The following MMP26 variants were observed in gnomAD, a reference collection of about 807,000 sequenced individuals.
MMP26 encodes matrix metallopeptidase 26.
In MMP26, 33 loss-of-function variants were observed where a neutral mutation model predicts 31.0. The ratio of observed to expected loss-of-function variants is 1.06; its 90% CI spans 0.81 to 1.42. The LOEUF (loss-of-function observed/expected upper bound fraction) is 1.42. Among genes scored for constraint, MMP26 ranks in the 40% most tolerant of loss-of-function variants. The pLI, the probability that MMP26 is intolerant of heterozygous loss-of-function variation, is 0.00. For missense variants in MMP26, 347 were observed against 316.1 expected, an observed-to-expected ratio of 1.10 and a Z score of -0.74; for synonymous variants, 122 against 114.9, an observed-to-expected ratio of 1.06 and a Z score of -0.40.
intron 2 of MMP26, among the ~76,000 whole-genome samples, chr11:4,858,130 G>A (rs1262309341): frequency 3.3e-5 from 5 of 152,090 alleles, no homozygotes; most frequent in African/African-American, 1.2e-4. Context: ...TACTGAATGG[G>A]CAAAAACTGG....
chr11:4,710,795 G>C (rs1478332072), intron 1 of MMP26: 5 of 200,604 alleles, frequency 2.5e-5, no homozygotes, highest in Non-Finnish European at 5.2e-5. Flanking sequence ...AGTCATACTT[G>C]GAGTTTAGGA....
At chr11:4,896,325 C>T (rs368466024) in intron 2 of MMP26, among the ~76,000 whole-genome samples, 14 of 152,140 alleles carry the variant, frequency 9.2e-5, no homozygotes, top group Non-Finnish European at 4.4e-5. Context: ...ATCTACACAC[C>T]GCTGATTCCT....
rs1481381132 is a variant in MMP26, at chr11:4,705,430, C to T, written c.-217+385C>T. 5.3e-5 allele frequency among the ~76,000 whole-genome samples: 8 copies of T among 152,292 alleles called. No homozygotes were observed. The East Asian group carries it at 1.4e-3, about 26-fold the overall frequency. On this transcript the variant is annotated intron_variant, in intron 1 of 7. Transcript: ENST00000380390. ...ATTATCTAATCTTACCCTGCTTTCT[C>T]ACCCATAAAGGGGAGTTATTAATAC...
chr11:4,882,972 A>G, intron 2 of MMP26: 2 of 988,982 alleles, frequency 2.0e-6, no homozygotes. Context: ...TTGCTGAGTC[A>G]ATTCCAATTG....
intron 2 of MMP26, among the ~76,000 whole-genome samples, chr11:4,837,820 C>G (rs555780496): frequency 2.0e-5 from 3 of 151,902 alleles, no homozygotes; most frequent in Non-Finnish European, 4.4e-5. Flanking sequence ...GAAAGAGAGA[C>G]AGTTTTCTGC....
chr11:4,914,980 G>A (rs1851055062), intron 2 of MMP26: 1 of 1,614,022 alleles, frequency 6.2e-7, no homozygotes, highest in South Asian at 1.1e-5. Context: ...ACAGCACGGT[G>A]CGCAGGATCA....
chr11:4,916,208 C>G (rs939628405), intron 2 of MMP26, among the ~76,000 whole-genome samples: 1 of 151,808 alleles, frequency 6.6e-6, no homozygotes, highest in Non-Finnish European at 1.5e-5. Context: ...TCTGCTGGCA[C>G]TGTGGGTTGG....
At chr11:4,939,042 T>A (rs1270238949) in intron 2 of MMP26, among the ~76,000 whole-genome samples, 3 of 152,132 alleles carry the variant, frequency 2.0e-5, no homozygotes, top group Non-Finnish European at 4.4e-5. Flanking sequence ...TGAGTTGATA[T>A]ATGTTTCTTA....
At chr11:4,743,204 G>C (rs558751621) in intron 1 of MMP26, among the ~76,000 whole-genome samples, 1 of 151,896 alleles carries the variant, frequency 6.6e-6, no homozygotes, top group Non-Finnish European at 1.5e-5. Context: ...CTGTCCCCTG[G>C]CTCTTCATAG....
At chr11:4,792,738 A>G (rs950018774) in intron 2 of MMP26, among the ~76,000 whole-genome samples, 2 of 152,196 alleles carry the variant, frequency 1.3e-5, no homozygotes, top group African/African-American at 2.4e-5. Context: ...TACATGGCTT[A>G]CAGTTGGGAA....
chr11:4,970,188 A>G (rs544384321), intron 2 of MMP26, among the ~76,000 whole-genome samples: 110 of 152,356 alleles, frequency 7.2e-4, no homozygotes, highest in African/African-American at 2.4e-3. Flanking sequence ...CTTTAATACA[A>G]TTTATATTTC....
intron 2 of MMP26, among the ~76,000 whole-genome samples, chr11:4,834,456 C>A (rs1160698623): frequency 6.6e-6 from 1 of 152,152 alleles, no homozygotes; most frequent in Non-Finnish European, 1.5e-5. Context: ...TAGGACTGTG[C>A]AATCCTTATT....
chr11:4,922,942 T>A (rs985896955), intron 2 of MMP26, among the ~76,000 whole-genome samples: 1 of 152,154 alleles, frequency 6.6e-6, no homozygotes. Flanking sequence ...TCTGTAATTA[T>A]GATAAAGTAA....
intron 2 of MMP26, chr11:4,803,402 T>C (rs1849209852): frequency 7.2e-7 from 1 of 1,383,422 alleles, no homozygotes; most frequent in African/African-American, 1.4e-5. Flanking sequence ...AGTGGGGCAA[T>C]GTAAGTGATG....
At chr11:4,941,767 A>G (rs1198403772) in intron 2 of MMP26, among the ~76,000 whole-genome samples, 1 of 117,138 alleles carries the variant, frequency 8.5e-6, no homozygotes, top group Admixed American at 9.8e-5. Context: ...AAATAAGCAA[A>G]CTGTTTGCTG....
At chr11:4,824,826 A>G (rs1849559494) in intron 2 of MMP26, among the ~76,000 whole-genome samples, 1 of 152,026 alleles carries the variant, frequency 6.6e-6, no homozygotes, top group Non-Finnish European at 1.5e-5. Context: ...ACCTCTAATC[A>G]TGGATCAATG....
chr11:4,881,223 C>G (rs1052431462), intron 2 of MMP26, among the ~76,000 whole-genome samples: 64 of 152,210 alleles, frequency 4.2e-4, no homozygotes, highest in African/African-American at 1.5e-3. Context: ...AAAGATTTCC[C>G]CAGCAGCAAA....
chr11:4,736,278 G>A (rs1308527141), intron 1 of MMP26: 2 of 152,126 alleles, frequency 1.3e-5, no homozygotes, highest in Non-Finnish European at 2.9e-5. Context: ...GGCCATAAGA[G>A]TGTGGGCATA....
intron 2 of MMP26, among the ~76,000 whole-genome samples, chr11:4,779,721 TAA>T (rs1848833974): frequency 6.6e-6 from 1 of 152,106 alleles, no homozygotes. Flanking sequence ...AAATTTCATC[TAA>T]GTTTTCAAAT....
Sources: gnomAD v4.1 joint callset for allele counts (sites outside exome capture counted in the v4.1 genomes callset) on GRCh38, gnomAD v4.1.1 for gene constraint, MANE v1.5 for transcripts, NCBI Gene and HGNC (gene_info 2026-07-23, HGNC 2026-07-21) for gene names.